The following CCDC91 variants were observed in gnomAD, a reference collection of about 807,000 sequenced individuals.
The protein encoded by CCDC91 is coiled-coil domain containing 91.
A neutral mutation model predicts 63.2 loss-of-function variants in CCDC91; 48 were observed. That is an observed-to-expected ratio of 0.76 (90% CI 0.60 to 0.97). The LOEUF is 0.97. CCDC91 is among the 50% of genes least tolerant of loss of function. The pLI is 0.00. For missense variants in CCDC91, 500 were observed against 494.6 expected, an observed-to-expected ratio of 1.01 and a Z score of -0.10; for synonymous variants, 167 against 165.8, an observed-to-expected ratio of 1.01 and a Z score of -0.06.
At chr12:28,267,472 A>T (rs1183985417) in intron 3 of CCDC91, among the ~76,000 whole-genome samples, 9 of 150,700 alleles carry the variant, frequency 6.0e-5, no homozygotes. Flanking sequence ...TTGTATTTTC[A>T]GCAAAGCTAT....
At chr12:28,383,930 C>T (rs1945446448) in intron 7 of CCDC91, among the ~76,000 whole-genome samples, 1 of 152,022 alleles carries the variant, frequency 6.6e-6, no homozygotes, top group Non-Finnish European at 1.5e-5. Context: ...ATAATTAAAT[C>T]AAGCTATCAG....
intron 11 of CCDC91, among the ~76,000 whole-genome samples, chr12:28,454,106 G>A (rs1949948328): frequency 6.6e-6 from 1 of 152,078 alleles, no homozygotes; most frequent in Admixed American, 6.6e-5. Flanking sequence ...CCTTACAAAT[G>A]TTTGCACGTT....
chr12:28,198,490 A>G (rs1259800062), intron 1 of CCDC91, among the ~76,000 whole-genome samples: 1 of 152,146 alleles, frequency 6.6e-6, no homozygotes, highest in Non-Finnish European at 1.5e-5. Context: ...TAGTTTGCCA[A>G]AATTGGGCAT....
At chr12:28,338,450 A>G (rs1034811752) in intron 6 of CCDC91, among the ~76,000 whole-genome samples, 1 of 151,994 alleles carries the variant, frequency 6.6e-6, no homozygotes, top group Non-Finnish European at 1.5e-5. Flanking sequence ...GGTAGAGAAA[A>G]CAGTGTGAAT....
At position 28,390,965 on chromosome 12, in the gene CCDC91, A is replaced by G. The variant is rs372461351; in HGVS notation, c.655-339A>G. Among the ~76,000 whole-genome samples the G allele has an allele frequency of 3.8e-5, 5 of 132,272 alleles. No homozygotes were observed. The South Asian group carries it at 1.2e-3, about 31-fold the overall frequency. 86.8% of individuals were successfully genotyped at this position (132,272 alleles called of 152,430 possible). A position where few individuals can be genotyped will look rare whatever the true frequency, so the allele number is the denominator to read the frequency against. On this transcript the variant is annotated intron_variant, in intron 7 of 12. Transcript: ENST00000536442. ...TTTTTTTTTTTTTTCAGCAGCTTTC[A>G]TACACTCTTCATCCTGTGTGGTCTT...
intron 11 of CCDC91, among the ~76,000 whole-genome samples, chr12:28,465,311 AGGCTT>A (rs1249418822): frequency 6.6e-6 from 1 of 152,104 alleles, no homozygotes; most frequent in Non-Finnish European, 1.5e-5. Flanking sequence ...GGAAGGACAT[AGGCTT>A]GGCCTGCCTT....
rs184533101 is a variant in CCDC91 at position 28,408,774 on chromosome 12, C to T, written c.762+17363C>T. Among the ~76,000 whole-genome samples, 304 of 152,186 alleles carry T rather than the reference C, an allele frequency of 2.0e-3. 1 individual carries two copies. The highest frequency in any genetic ancestry group is 3.5e-3 in the Non-Finnish European group (240 of 68,004). On this transcript the variant is annotated intron_variant, in intron 8 of 12. Coordinates refer to ENST00000536442, the MANE Select transcript of CCDC91 (RefSeq NM_018318.5). ...TCTCTTGCCTCAGCTTCCCAAGTAT[C>T]TGGGATTACAGGTGTGCACCACAAT...
chr12:28,466,780 ACTCT>A (rs1950570669), intron 11 of CCDC91, among the ~76,000 whole-genome samples: 1 of 152,064 alleles, frequency 6.6e-6, no homozygotes, highest in African/African-American at 2.4e-5. Context: ...AATGTGCAAA[ACTCT>A]CTGGTAATAG....
At chr12:28,330,436 A>G (rs1374753498) in intron 6 of CCDC91, among the ~76,000 whole-genome samples, 2 of 149,914 alleles carry the variant, frequency 1.3e-5, no homozygotes, top group Non-Finnish European at 3.0e-5. Context: ...GTCTGTTCAT[A>G]TCTGTCGCCC....
chr12:28,370,887 A>G (rs746162860), intron 7 of CCDC91, among the ~76,000 whole-genome samples: 6 of 151,914 alleles, frequency 3.9e-5, no homozygotes, highest in Non-Finnish European at 8.8e-5. Context: ...ATGAGAACTC[A>G]CTCACTATCA....
intron 6 of CCDC91, among the ~76,000 whole-genome samples, chr12:28,318,401 G>A (rs1940131507): frequency 6.6e-6 from 1 of 151,582 alleles, no homozygotes; most frequent in African/African-American, 2.4e-5. Context: ...TAGCTGCTGG[G>A]CATGGTGTGT....
At chr12:28,331,264 G>A (rs900699774) in intron 6 of CCDC91, among the ~76,000 whole-genome samples, 1 of 152,096 alleles carries the variant, frequency 6.6e-6, no homozygotes, top group African/African-American at 2.4e-5. Flanking sequence ...CAATCTTAAC[G>A]CCATGCTTGT....
intron 12 of CCDC91, among the ~76,000 whole-genome samples, chr12:28,538,868 C>A (rs1340021086): frequency 2.0e-5 from 3 of 152,210 alleles, no homozygotes; most frequent in African/African-American, 7.2e-5. Context: ...TGATGATGAG[C>A]ATATTTTCAT....
chr12:28,441,026 C>T (rs1949161248), intron 8 of CCDC91, among the ~76,000 whole-genome samples: 2 of 120,608 alleles, frequency 1.7e-5, no homozygotes, highest in Admixed American at 1.2e-4. Flanking sequence ...CCACTGCTCT[C>T]CAGCCTGGGT....
intron 11 of CCDC91, among the ~76,000 whole-genome samples, chr12:28,454,403 T>C (rs894660366): frequency 6.6e-6 from 1 of 152,138 alleles, no homozygotes; most frequent in African/African-American, 2.4e-5. Flanking sequence ...CATAGCTGTC[T>C]ATAGTACATG....
intron 3 of CCDC91, among the ~76,000 whole-genome samples, chr12:28,297,579 C>T (rs1949631518): frequency 1.3e-5 from 2 of 151,806 alleles, no homozygotes; most frequent in South Asian, 4.1e-4. Flanking sequence ...CTATACTCTG[C>T]TTAAGCATTA....
At chr12:28,195,163 AGTGCTGATTGGTCCGTTTTGC>A (rs1472872095) in intron 1 of CCDC91, among the ~76,000 whole-genome samples, 39,350 of 151,778 alleles carry the variant, frequency 0.26, 5,349 homozygotes, top group Non-Finnish European at 0.31. Flanking sequence ...CGTTTTACAG[AGTGCTGATTGGTCCGTTTTGC>A]CAGAGTGTTG....
At chr12:28,275,834 C>A (rs541424383) in intron 3 of CCDC91, among the ~76,000 whole-genome samples, 2 of 152,026 alleles carry the variant, frequency 1.3e-5, no homozygotes, top group Non-Finnish European at 2.9e-5. Flanking sequence ...AATCAATAAA[C>A]GTAATCCAGC....
chr12:28,332,723 C>T (rs1941609311), intron 6 of CCDC91, among the ~76,000 whole-genome samples: 1 of 152,136 alleles, frequency 6.6e-6, no homozygotes. Flanking sequence ...CCTCACTCAT[C>T]AGTATACAAC....
Sources: allele counts gnomAD v4.1 joint callset (sites outside exome capture counted in the v4.1 genomes callset), GRCh38; gene constraint gnomAD v4.1.1; transcripts MANE v1.5; gene names NCBI Gene and HGNC (gene_info 2026-07-23, HGNC 2026-07-21).